Variants in MDGA2 observed in about 807,000 individuals in gnomAD.
MDGA2 encodes MAM domain-containing glycosylphosphatidylinositol anchor protein 2.
MDGA2 carries 40 observed loss-of-function variants against 117.8 expected under a neutral mutation model. The ratio of observed to expected loss-of-function variants is 0.34; its 90% CI spans 0.26 to 0.44. MDGA2 has a LOEUF of 0.44. Ranked by LOEUF, MDGA2 falls within the 20% of genes least tolerant of loss-of-function variation. MDGA2 has a pLI of 1.00. For missense variants in MDGA2, 1,123 were observed against 1,250.6 expected (o/e 0.90, Z 1.54); for synonymous variants, 452 against 439.0 (o/e 1.03, Z -0.37).
intron 1 of MDGA2, among the ~76,000 whole-genome samples, chr14:47,351,049 C>G (rs980747035): frequency 6.7e-6 from 1 of 149,762 alleles, no homozygotes; most frequent in Non-Finnish European, 1.5e-5. Flanking sequence ...GTAGCTGGGA[C>G]TACAGGTCAG....
At chr14:47,003,238 G>C (rs1267293940) in intron 8 of MDGA2, among the ~76,000 whole-genome samples, 3 of 151,996 alleles carry the variant, frequency 2.0e-5, no homozygotes, top group African/African-American at 7.2e-5. Flanking sequence ...GCCAGCTTTT[G>C]ACTATCACAA....
At chr14:47,461,215 A>G (rs1893476183) in intron 1 of MDGA2, among the ~76,000 whole-genome samples, 1 of 151,812 alleles carries the variant, frequency 6.6e-6, no homozygotes, top group South Asian at 2.1e-4. Context: ...CTTCAATGAA[A>G]GAGTCAAAAT....
intron 16 of MDGA2, 91 bp from the exon 17 acceptor site, chr14:46,842,110 A>C: frequency 1.4e-6 from 1 of 689,756 alleles, no homozygotes. Context: ...ATAATAAAAC[A>C]AGTATATGGA....
intron 6 of MDGA2, among the ~76,000 whole-genome samples, chr14:47,084,366 C>T (rs987000886): frequency 6.6e-6 from 1 of 151,768 alleles, no homozygotes; most frequent in African/African-American, 2.4e-5. Flanking sequence ...CAGAAGATAT[C>T]AAAATTTGTA....
At chr14:47,656,850 G>C (rs1489519714) in intron 1 of MDGA2, among the ~76,000 whole-genome samples, 1 of 152,088 alleles carries the variant, frequency 6.6e-6, no homozygotes, top group Non-Finnish European at 1.5e-5. Context: ...TAAAGAGGTG[G>C]GATTTATAAT....
intron 2 of MDGA2, among the ~76,000 whole-genome samples, chr14:47,293,183 T>C (rs919126544): frequency 2.0e-5 from 3 of 152,196 alleles, no homozygotes; most frequent in African/African-American, 7.2e-5. Flanking sequence ...GAGTCTCATA[T>C]AATAAATATG....
intron 1 of MDGA2, among the ~76,000 whole-genome samples, chr14:47,575,091 T>A (rs1167459416): frequency 6.6e-6 from 1 of 152,204 alleles, no homozygotes; most frequent in Non-Finnish European, 1.5e-5. Context: ...GACTTCTGAG[T>A]TTACTCTTCC....
At chr14:47,373,846 A>G (rs1460496005) in intron 1 of MDGA2, among the ~76,000 whole-genome samples, 1 of 152,194 alleles carries the variant, frequency 6.6e-6, no homozygotes, top group Non-Finnish European at 1.5e-5. Context: ...ATGTAGCTGA[A>G]AGAAAACCTA....
intron 1 of MDGA2, among the ~76,000 whole-genome samples, chr14:47,347,882 A>T (rs1375467771): frequency 6.6e-6 from 1 of 152,208 alleles, no homozygotes; most frequent in Non-Finnish European, 1.5e-5. Flanking sequence ...GTGCAATGTT[A>T]TAAAAGCCAA....
intron 1 of MDGA2, among the ~76,000 whole-genome samples, chr14:47,466,610 C>A (rs1366605586): frequency 6.6e-6 from 1 of 152,120 alleles, no homozygotes; most frequent in Middle Eastern, 3.4e-3. Flanking sequence ...AACTTGATGC[C>A]GCCTTTCAAC....
At chr14:47,021,426 G>T (rs796101252) in intron 8 of MDGA2, among the ~76,000 whole-genome samples, 4 of 152,204 alleles carry the variant, frequency 2.6e-5, no homozygotes, top group African/African-American at 7.2e-5. Context: ...TATATAGCAA[G>T]AATTGCTTTT....
At chr14:47,047,036 A>G (rs1889291435) in intron 7 of MDGA2, among the ~76,000 whole-genome samples, 1 of 152,148 alleles carries the variant, frequency 6.6e-6, no homozygotes. Context: ...TCAATAGACA[A>G]ATATGCCTAG....
At chr14:47,515,513 A>C (rs1038429921) in intron 1 of MDGA2, among the ~76,000 whole-genome samples, 1 of 152,174 alleles carries the variant, frequency 6.6e-6, no homozygotes, top group African/African-American at 2.4e-5. Flanking sequence ...CTGAAAATAG[A>C]ATCAATGACT....
At chr14:47,157,600 T>C (rs1006269603) in intron 3 of MDGA2, among the ~76,000 whole-genome samples, 1 of 50,300 alleles carries the variant, frequency 2.0e-5, no homozygotes, top group Non-Finnish European at 4.2e-5. Flanking sequence ...CATATATGTG[T>C]GTGTGTGTGT....
At chr14:47,138,415 G>C (rs1490162597) in intron 4 of MDGA2, among the ~76,000 whole-genome samples, 1 of 151,956 alleles carries the variant, frequency 6.6e-6, no homozygotes, top group Non-Finnish European at 1.5e-5. Context: ...CAATACACAA[G>C]ATGATGTCAT....
chr14:47,655,116 A>C (rs1897719668), intron 1 of MDGA2, among the ~76,000 whole-genome samples: 1 of 152,132 alleles, frequency 6.6e-6, no homozygotes, highest in Admixed American at 6.5e-5. Context: ...CTTGTTGATA[A>C]ACAAGCAGAT....
chr14:47,519,727 T>C (rs960093972), intron 1 of MDGA2, among the ~76,000 whole-genome samples: 1 of 152,140 alleles, frequency 6.6e-6, no homozygotes, highest in East Asian at 1.9e-4. Flanking sequence ...GGAAAAAAAA[T>C]TATGAGTTTA....
chr14:47,043,157 A>G (rs1174084160), intron 7 of MDGA2, among the ~76,000 whole-genome samples: 3 of 152,042 alleles, frequency 2.0e-5, no homozygotes, highest in Non-Finnish European at 4.4e-5. Context: ...TGTGCTTGAG[A>G]GATGTTCAGG....
intron 1 of MDGA2, among the ~76,000 whole-genome samples, chr14:47,551,922 T>C (rs1166684425): frequency 6.6e-6 from 1 of 152,156 alleles, no homozygotes; most frequent in Non-Finnish European, 1.5e-5. Context: ...TGAAAAACAG[T>C]AGGAGAAATA....
Sources: allele counts gnomAD v4.1 joint callset (sites outside exome capture counted in the v4.1 genomes callset), GRCh38; gene constraint gnomAD v4.1.1; transcripts MANE v1.5; gene names NCBI Gene and HGNC (gene_info 2026-07-23, HGNC 2026-07-21).